Variants in CNTROB observed in about 807,000 individuals in gnomAD.
The protein encoded by CNTROB is centrobin.
In CNTROB, 82 loss-of-function variants were observed where a neutral mutation model predicts 115.7. That is an observed-to-expected ratio of 0.71 (90% CI 0.59 to 0.85). The LOEUF (loss-of-function observed/expected upper bound fraction) is 0.85. Ranked by LOEUF, CNTROB falls within the 40% of genes least tolerant of loss-of-function variation. The probability of loss-of-function intolerance (pLI) is 0.00; values close to 1 mark genes in which losing one functional copy is unlikely to be tolerated. For synonymous variants in CNTROB, 439 were observed against 456.4 expected, an observed-to-expected ratio of 0.96 and a Z score of 0.49; for missense variants, 1,014 against 1,144.4, an observed-to-expected ratio of 0.89 and a Z score of 1.64.
rs777374907 is a variant in CNTROB at position 7,935,146 on chromosome 17, G to T, written c.594+1G>T. 22 of 1,614,036 alleles carry T rather than the reference G, an allele frequency of 1.4e-5. No homozygotes were observed. The highest frequency in any genetic ancestry group is 1.8e-5 in the Non-Finnish European group (21 of 1,180,048). On this transcript the variant is annotated splice_donor_variant, in intron 4 of 18. Coordinates refer to ENST00000563694, the MANE Select transcript of CNTROB (RefSeq NM_053051.5). LOFTEE classifies it high-confidence loss of function. ...GGATTCAGAGCATACCCGCCGCAAG[G>T]TAAGATGCAAACGCTTCCTTTCGAA...
At chr17:7,936,260 A>G (rs955799838) in intron 4 of CNTROB, 106 bp from the exon 5 acceptor site, 2 of 742,108 alleles carry the variant, frequency 2.7e-6, no homozygotes, top group Non-Finnish European at 5.0e-6. Context: ...CTTGGGACCC[A>G]AGCTTCTTGG....
At position 7,932,952 on chromosome 17, in the gene CNTROB, CA is replaced by C; in HGVS notation, c.-126del. ...GAAAGCCTCGATATCCTTAATTCAC[CA>C]AGGATCCTTGGCGTGGAGTCTTCCT... On this transcript the variant is annotated 5_prime_UTR_variant, in exon 1 of 19. Transcript: ENST00000563694. 4.7e-6 allele frequency: 5 copies of C among 1,053,210 alleles called. No individual in the cohort carries two copies. The highest frequency in any genetic ancestry group is 1.4e-6 in the Non-Finnish European group (1 of 725,994). 65.2% of individuals were successfully genotyped at this position (1,053,210 alleles called of 1,614,324 possible).
intron 13 of CNTROB, 76 bp downstream of exon 13, chr17:7,946,062 T>C: frequency 1.5e-6 from 2 of 1,330,178 alleles, no homozygotes; most frequent in African/African-American, 2.9e-5. Context: ...CTGCTTTCTG[T>C]CTGATACTTG....
chr17:7,941,048 T>C (rs1438944047), intron 9 of CNTROB, among the ~76,000 whole-genome samples: 2 of 152,082 alleles, frequency 1.3e-5, no homozygotes, highest in African/African-American at 4.8e-5. Context: ...ATCTCCAGAA[T>C]AGAGGAAAGG....
Position 7,943,548 on chromosome 17 carries a change from AC to A in CNTROB, c.1445+25del, listed in dbSNP as rs752674415. 6.2e-7 allele frequency: 1 copy of A among 1,601,340 alleles called. No homozygotes were observed. Among genetic ancestry groups the A allele is most frequent in the South Asian group, 1.1e-5 (1 of 90,070 alleles). On this transcript the variant is annotated intron_variant, in intron 10 of 18. Transcript: ENST00000563694. This position sits in a 1 kb window ranked among gnomAD's most constrained non-coding sequence, Gnocchi z 4.7. ...AGGTACGTGGGACTCACTGGGTGTC[AC>A]TTCTCTCAGCCACAGCACGTATCGT...
intron 7 of CNTROB, among the ~76,000 whole-genome samples, chr17:7,938,075 T>A (rs1234770850): frequency 7.1e-6 from 1 of 140,128 alleles, no homozygotes; most frequent in Non-Finnish European, 1.5e-5. Context: ...CAATCTCAGC[T>A]CACTGCAGCC....
intron 2 of CNTROB, 53 bp downstream of exon 2, chr17:7,934,275 G>T (rs1972882222): frequency 6.6e-7 from 1 of 1,524,490 alleles, no homozygotes; most frequent in Non-Finnish European, 9.1e-7. Context: ...TGTAAGGGGT[G>T]GGAGAAAGTG....
chr17:7,932,835 C>A lies in CNTROB; in HGVS notation c.-245C>A. ...CTGTCCGCACCCGCTCTGCGCTGCA[C>A]CCTCTTAACGCTGTTCCCAGGAGCT... On this transcript the variant is annotated 5_prime_UTR_variant, in exon 1 of 19. Transcript: ENST00000563694. 1 of 530,976 alleles carries A rather than the reference C, an allele frequency of 1.9e-6. No homozygotes were observed. Among genetic ancestry groups the A allele is most frequent in the South Asian group, 2.5e-5 (1 of 40,012 alleles). The allele number at this position is 530,976 out of a possible 1,614,324, so 32.9% of individuals were successfully genotyped here. A position where few individuals can be genotyped will look rare whatever the true frequency, so the allele number is the denominator to read the frequency against.
At position 7,932,895 on chromosome 17, in the gene CNTROB, C is replaced by T. The variant is rs112050135; in HGVS notation, c.-185C>T. 6.3e-6 allele frequency: 4 copies of T among 639,556 alleles called. No individual in the cohort carries two copies. The highest frequency in any genetic ancestry group is 8.0e-6 in the Non-Finnish European group (3 of 373,842). 39.6% of individuals were successfully genotyped at this position (639,556 alleles called of 1,614,324 possible). On this transcript the variant is annotated 5_prime_UTR_variant, in exon 1 of 19. Coordinates refer to ENST00000563694, the MANE Select transcript of CNTROB (RefSeq NM_053051.5). The stretch of plus-strand genomic sequence containing the variant: ...GATGCTTTTGCCCACTCCCATGGCC[C>T]CTGGAACTGGTGGAAACCTTTCCTC...
At position 7,944,510 on chromosome 17, in the gene CNTROB, CA is replaced by C; in HGVS notation, c.1607del (p.Gln536ArgfsTer74). 6.2e-7 allele frequency: 1 copy of C among 1,614,124 alleles called. No homozygotes were observed. Among genetic ancestry groups the C allele is most frequent in the Non-Finnish European group, 8.5e-7 (1 of 1,180,004 alleles). ...AREQARVCEL[Q>X]SGNQQLEEQR... ...GGAGCAAGCGCGAGTGTGCGAACTG[CA>C]GAGTGGGAACCAGCAGCTGGAGGAG... On this transcript the variant is annotated frameshift_variant, in exon 12 of 19. Coordinates refer to ENST00000563694, the MANE Select transcript of CNTROB (RefSeq NM_053051.5). LOFTEE classifies it high-confidence loss of function. This position sits in a 1 kb window ranked among gnomAD's most constrained non-coding sequence, Gnocchi z 4.0.
Position 7,943,730 on chromosome 17 carries a change from C to T in CNTROB, c.1445+206C>T, listed in dbSNP as rs1000860348. The T allele has an allele frequency of 3.4e-6, 2 of 580,716 alleles. No individual in the cohort carries two copies. Among genetic ancestry groups the T allele is most frequent in the African/African-American group, 1.9e-5 (1 of 53,658 alleles). 36.0% of individuals were successfully genotyped at this position (580,716 alleles called of 1,614,324 possible). On this transcript the variant is annotated intron_variant, in intron 10 of 18. Coordinates refer to ENST00000563694, the MANE Select transcript of CNTROB (RefSeq NM_053051.5). The surrounding 1 kb of genome is among the most constrained non-coding windows in gnomAD (Gnocchi z 4.7). ...GCCAGAAGTGCCTGGGAATTTTCAT[C>T]CCATAGGGAGTAGCCCTTAACCAAG...
chr17:7,936,769 T>G lies in CNTROB; in HGVS notation c.780T>G (p.Leu260=), dbSNP rs375449180. The G allele has an allele frequency of 1.5e-5, 24 of 1,565,036 alleles. No homozygotes were observed. The highest frequency in any genetic ancestry group is 2.1e-5 in the Non-Finnish European group (24 of 1,135,234). The part of the protein sequence containing the change: ...EAERTEVLRG[L]QEEHQAAELT... Reference sequence around the variant, plus strand: ...AGCGGACAGAGGTTCTCAGGGGACTTCAAGAGGAACACCAGGCAGCAGAGC... The same window carrying G: ...AGCGGACAGAGGTTCTCAGGGGACTGCAAGAGGAACACCAGGCAGCAGAGC... The change falls in exon 6 of 19, where the codon CTT becomes CTG. Residue 260 remains leucine (L), a synonymous_variant. Coordinates refer to ENST00000563694, the MANE Select transcript of CNTROB (RefSeq NM_053051.5).
At position 7,944,554 on chromosome 17, in the gene CNTROB, G is replaced by A; in HGVS notation, c.1650G>A (p.Val550=). The A allele has an allele frequency of 6.2e-7, 1 of 1,614,088 alleles. No homozygotes were observed. Among genetic ancestry groups the A allele is most frequent in the South Asian group, 1.1e-5 (1 of 91,084 alleles). The change falls in exon 12 of 19, where the codon GTG becomes GTA. Residue 550 remains valine (V), a synonymous_variant. Transcript: ENST00000563694. This position sits in a 1 kb window ranked among gnomAD's most constrained non-coding sequence, Gnocchi z 4.0. ...QQLEEQRVEL[V]ERLQAMLQAH... ...TGGAGGAGCAGCGGGTGGAGCTGGT[G>A]GAAAGACTGCAGGCCATGCTGCAGG... is the stretch of plus-strand genomic sequence containing the variant.
chr17:7,942,507 G>A (rs1973998296), intron 9 of CNTROB, among the ~76,000 whole-genome samples: 1 of 146,388 alleles, frequency 6.8e-6, no homozygotes, highest in Admixed American at 7.0e-5. Flanking sequence ...TGATGCAGGA[G>A]AATTGCTTGA....
rs201505723 is a variant in CNTROB, at chr17:7,945,811, C to T, written c.1818C>T (p.Ala606=). The T allele has an allele frequency of 5.6e-5, 90 of 1,614,202 alleles. No homozygotes were observed. The Admixed American group carries it at 7.3e-4, about 13-fold the overall frequency. ...ERRVWTMPPM[A]VALKPVLQQS... is the part of the protein sequence containing the mutation. ...GGGTCTGGACTATGCCTCCCATGGCCGTGGCCCTGAAGCCTGTATTGCAGC... is the reference window on the plus strand; with the variant it reads ...GGGTCTGGACTATGCCTCCCATGGCTGTGGCCCTGAAGCCTGTATTGCAGC... Residue 606 remains alanine, a synonymous_variant, in exon 13 of 19, where the codon GCC becomes GCT. Transcript: ENST00000563694.
chr17:7,948,936 C>G lies in CNTROB; in HGVS notation c.2514-149C>G, dbSNP rs754052893. The stretch of plus-strand genomic sequence containing the variant: ...AGCTAGTGTAACTCGTTATTTACTT[C>G]CACTAATGTCTCCTCCCAGTTGATG... On this transcript the variant is annotated intron_variant, in intron 17 of 18. Coordinates refer to ENST00000563694, the MANE Select transcript of CNTROB (RefSeq NM_053051.5). The surrounding 1 kb of genome is among the most constrained non-coding windows in gnomAD (Gnocchi z 4.4). 93 of 1,517,360 alleles carry G rather than the reference C, an allele frequency of 6.1e-5. No individual in the cohort carries two copies. The highest frequency in any genetic ancestry group is 7.9e-5 in the Non-Finnish European group (89 of 1,130,312). The allele number at this position is 1,517,360 out of a possible 1,614,324, so 94.0% of individuals were successfully genotyped here.
At chr17:7,940,760 A>C (rs943714594) in intron 9 of CNTROB, among the ~76,000 whole-genome samples, 1 of 152,246 alleles carries the variant, frequency 6.6e-6, no homozygotes, top group African/African-American at 2.4e-5. Flanking sequence ...ACACTTTGAA[A>C]AACTCTTTCC....
intron 3 of CNTROB, 98 bp downstream of exon 3, chr17:7,934,644 G>T: frequency 9.5e-7 from 1 of 1,053,922 alleles, no homozygotes. Flanking sequence ...TACCTCTTAA[G>T]AACCCAAGAG....
In CNTROB at chr17:7,948,260, C is replaced by G. The variant is rs556380996; in HGVS notation, c.2313C>G (p.Phe771Leu). The G allele has an allele frequency of 1.2e-6, 2 of 1,614,208 alleles. No individual in the cohort carries two copies. The highest frequency in any genetic ancestry group is 1.7e-5 in the Admixed American group (1 of 60,028). ...KVPLAMASSL[F>L]RVPEPPSSHS... Reference sequence around the variant, plus strand: ...CCTTAGCCATGGCATCCAGTCTTTTCCGGGTCCCTGAGCCTCCCTCCTCCC... The same window carrying G: ...CCTTAGCCATGGCATCCAGTCTTTTGCGGGTCCCTGAGCCTCCCTCCTCCC... Residue 771 changes from phenylalanine to leucine, a missense_variant, in exon 16 of 19, where the codon TTC (phenylalanine) becomes TTG (leucine). By Grantham distance (22) the Phe-to-Leu change is conservative (BLOSUM62 0). Transcript: ENST00000563694. The surrounding 1 kb of genome is among the most constrained non-coding windows in gnomAD (Gnocchi z 4.4).
Sources: gnomAD v4.1 joint callset for allele counts (sites outside exome capture counted in the v4.1 genomes callset) on GRCh38, gnomAD v4.1.1 for gene constraint, Gnocchi (gnomAD v3.1) non-coding constraint, MANE v1.5 for transcripts, NCBI Gene and HGNC (gene_info 2026-07-23, HGNC 2026-07-21) for gene names.